The following PRKG1 variants were observed in gnomAD, a reference collection of about 807,000 sequenced individuals.
The protein encoded by PRKG1 is cGMP-dependent protein kinase 1.
Under a neutral mutation model 88.1 loss-of-function variants are expected in PRKG1, and 35 were observed. That is an observed-to-expected ratio of 0.40 (90% CI 0.30 to 0.53). The LOEUF (loss-of-function observed/expected upper bound fraction) is 0.53. PRKG1 is among the 20% of genes least tolerant of loss of function. The pLI is 0.59. For missense variants in PRKG1, 540 were observed against 839.8 expected, an observed-to-expected ratio of 0.64 and a Z score of 4.41; for synonymous variants, 303 against 292.5, an observed-to-expected ratio of 1.04 and a Z score of -0.37.
intron 3 of PRKG1, among the ~76,000 whole-genome samples, chr10:51,472,287 C>T (rs1174958999): frequency 1.3e-5 from 2 of 151,614 alleles, no homozygotes; most frequent in Non-Finnish European, 2.9e-5. Flanking sequence ...CTTTACATTC[C>T]CTTGCAGCTG....
chr10:51,951,443 C>T (rs891786558), intron 5 of PRKG1, among the ~76,000 whole-genome samples: 6 of 152,134 alleles, frequency 3.9e-5, no homozygotes, highest in African/African-American at 1.4e-4. Context: ...AATACTGTTG[C>T]TAATAATACA....
At chr10:51,740,033 A>AT (rs1364843746) in intron 3 of PRKG1, among the ~76,000 whole-genome samples, 1 of 151,888 alleles carries the variant, frequency 6.6e-6, no homozygotes. Flanking sequence ...CCACACAGAT[A>AT]TTTTTTTCTT....
intron 3 of PRKG1, among the ~76,000 whole-genome samples, chr10:51,802,391 C>T (rs1012182235): frequency 6.6e-6 from 1 of 152,076 alleles, no homozygotes; most frequent in Non-Finnish European, 1.5e-5. Context: ...CCCATGTAAA[C>T]AGGAACCAAA....
At chr10:51,422,502 G>A (rs933025700) in intron 2 of PRKG1, among the ~76,000 whole-genome samples, 1 of 152,150 alleles carries the variant, frequency 6.6e-6, no homozygotes, top group African/African-American at 2.4e-5. Context: ...CCAACTCCAG[G>A]CAGCTCCTCC....
intron 3 of PRKG1, among the ~76,000 whole-genome samples, chr10:51,512,464 G>A (rs1201503200): frequency 1.5e-5 from 2 of 136,396 alleles, no homozygotes; most frequent in African/African-American, 5.5e-5. Context: ...TTGTTCTTGC[G>A]ATAGTTTACT....
At chr10:51,385,494 T>C (rs1837227536) in intron 2 of PRKG1, among the ~76,000 whole-genome samples, 1 of 152,216 alleles carries the variant, frequency 6.6e-6, no homozygotes, top group African/African-American at 2.4e-5. Flanking sequence ...GCCCATTCCA[T>C]TCCTGTGATG....
chr10:51,351,538 G>A (rs1201676114), intron 2 of PRKG1, among the ~76,000 whole-genome samples: 1 of 151,722 alleles, frequency 6.6e-6, no homozygotes, highest in Admixed American at 6.6e-5. Flanking sequence ...ATATTTGTTG[G>A]CCACATAAAT....
chr10:52,111,469 T>C (rs1228817233), intron 7 of PRKG1, among the ~76,000 whole-genome samples: 1 of 152,230 alleles, frequency 6.6e-6, no homozygotes, highest in East Asian at 1.9e-4. Context: ...TCTACTCTTA[T>C]TAAAATTGCT....
At chr10:51,135,831 C>G (rs1845671696) in intron 1 of PRKG1, among the ~76,000 whole-genome samples, 2 of 151,700 alleles carry the variant, frequency 1.3e-5, no homozygotes, top group East Asian at 1.9e-4. Context: ...ATTGGGGGAG[C>G]AGTTTGTAAA....
chr10:51,251,569 G>A (rs1839428752), intron 2 of PRKG1, among the ~76,000 whole-genome samples: 2 of 151,402 alleles, frequency 1.3e-5, no homozygotes, highest in African/African-American at 4.9e-5. Context: ...ATTGAATAAA[G>A]TTCAACTTAT....
chr10:51,047,568 T>TAATTTAAA (rs978545015), intron 1 of PRKG1, among the ~76,000 whole-genome samples: 7 of 147,262 alleles, frequency 4.8e-5, no homozygotes, highest in Admixed American at 1.4e-4. Flanking sequence ...AATTGAGTAG[T>TAATTTAAA]AATTTAAAGG....
At chr10:52,041,696 C>G (rs1363313259) in intron 5 of PRKG1, among the ~76,000 whole-genome samples, 1 of 152,072 alleles carries the variant, frequency 6.6e-6, no homozygotes, top group Non-Finnish European at 1.5e-5. Flanking sequence ...ATGACTGAAT[C>G]TTCGTAAGTT....
At chr10:51,184,191 T>C (rs962923713) in intron 2 of PRKG1, among the ~76,000 whole-genome samples, 3 of 152,222 alleles carry the variant, frequency 2.0e-5, no homozygotes, top group Non-Finnish European at 4.4e-5. Context: ...CATTTCATGG[T>C]GTTTTGGATT....
chr10:51,657,729 G>A (rs947421699), intron 3 of PRKG1, among the ~76,000 whole-genome samples: 1 of 152,112 alleles, frequency 6.6e-6, no homozygotes, highest in Admixed American at 6.5e-5. Flanking sequence ...GGTTTGTGAA[G>A]AAATTTTTAG....
At chr10:51,999,217 A>G (rs1844531233) in intron 5 of PRKG1, among the ~76,000 whole-genome samples, 1 of 152,166 alleles carries the variant, frequency 6.6e-6, no homozygotes, top group Admixed American at 6.5e-5. Context: ...ACAGCTTACT[A>G]CCCTTTACTC....
At position 51,907,584 on chromosome 10, in the gene PRKG1, G is replaced by A; in HGVS notation, c.762+14G>A. The A allele has an allele frequency of 1.2e-6, 2 of 1,609,930 alleles. No homozygotes were observed. Among genetic ancestry groups the A allele is most frequent in the Non-Finnish European group, 1.7e-6 (2 of 1,176,588 alleles). On this transcript the variant is annotated intron_variant, in intron 5 of 17. Transcript: ENST00000373980. ...GTCCTTGAAGAGGTAATTGTTTTTA[G>A]CCTTTGAACTTTTTGAGATGGGATC...
At chr10:52,257,752 A>C (rs1841343166) in intron 10 of PRKG1, among the ~76,000 whole-genome samples, 1 of 139,766 alleles carries the variant, frequency 7.2e-6, no homozygotes, top group African/African-American at 2.5e-5. Flanking sequence ...TCAAAAGAAT[A>C]AAAACGGACA....
At chr10:52,055,521 T>C (rs1208660711) in intron 6 of PRKG1, among the ~76,000 whole-genome samples, 1 of 152,188 alleles carries the variant, frequency 6.6e-6, no homozygotes, top group Non-Finnish European at 1.5e-5. Context: ...ATTGAGTGAA[T>C]TGGAAAATAG....
At chr10:51,563,294 G>A (rs1837518195) in intron 3 of PRKG1, among the ~76,000 whole-genome samples, 1 of 152,112 alleles carries the variant, frequency 6.6e-6, no homozygotes, top group South Asian at 2.1e-4. Context: ...GCTAGAAGGA[G>A]AATATTGAAC....
Sources: allele counts gnomAD v4.1 joint callset (sites outside exome capture counted in the v4.1 genomes callset), GRCh38; gene constraint gnomAD v4.1.1; transcripts MANE v1.5; gene names NCBI Gene and HGNC (gene_info 2026-07-23, HGNC 2026-07-21).